NUP54: variants seen among roughly 807,000 people sequenced by gnomAD.
NUP54 encodes nucleoporin 54, also known as nucleoporin p54.
In NUP54, 27 loss-of-function variants were observed where a neutral mutation model predicts 66.4. The ratio of observed to expected loss-of-function variants is 0.41; its 90% CI spans 0.30 to 0.56. NUP54 has a LOEUF of 0.56. Among genes scored for constraint, NUP54 ranks in the 20% least tolerant of loss-of-function variants. The pLI, the probability that NUP54 is intolerant of heterozygous loss-of-function variation, is 0.34. For missense variants in NUP54, 486 were observed against 596.3 expected, an observed-to-expected ratio of 0.82 and a Z score of 1.93; for synonymous variants, 206 against 210.7, an observed-to-expected ratio of 0.98 and a Z score of 0.19.
At position 76,129,966 on chromosome 4, in the gene NUP54, G is replaced by GTTTTTTTTTTTTTTTTTTTTTTTTTTT. The variant is rs775109047; in HGVS notation, c.1056+663_1056+689dup. On this transcript the variant is annotated intron_variant, in intron 8 of 11. Coordinates refer to ENST00000264883, the MANE Select transcript of NUP54 (RefSeq NM_017426.4). ...AATCTTTAAGTATTTAATTATGAAA[G>GTTTTTTTTTTTTTTTTTTTTTTTTTTT]TTTTTTTTTTTTTTTTTTTTTTTTT... 5.3e-5 allele frequency among the ~76,000 whole-genome samples: 3 copies of GTTTTTTTTTTTTTTTTTTTTTTTTTTT among 56,824 alleles called. 1 individual carries two copies. The highest frequency in any genetic ancestry group is 9.0e-5 in the Non-Finnish European group (3 of 33,164). The allele number at this position is 56,824 out of a possible 152,430, so 37.3% of individuals were successfully genotyped here. A position where few individuals can be genotyped will look rare whatever the true frequency, so the allele number is the denominator to read the frequency against.
chr4:76,122,401 A>G (rs113980442), intron 9 of NUP54, among the ~76,000 whole-genome samples: 285 of 152,282 alleles, frequency 1.9e-3, no homozygotes, highest in Non-Finnish European at 3.4e-3. Flanking sequence ...CATCACCCCA[A>G]GCCCCTTGTA....
In NUP54 at chr4:76,130,658, C is replaced by T; in HGVS notation, c.1054G>A (p.Asp352Asn). Residue 352 changes from aspartate (D) to asparagine (N), a missense_variant and splice_region_variant, in exon 8 of 12, where the codon GAT (aspartate) becomes AAT (asparagine). Transcript: ENST00000264883. ...QMTKQHQTRL[D>N]IISEDISELQ... Reference sequence around the variant, plus strand: ...GGAATAAAAAGCTAAATGCTTACATCTAATCTGGTTTGATGCTGCTTAGTC... The same window carrying T: ...GGAATAAAAAGCTAAATGCTTACATTTAATCTGGTTTGATGCTGCTTAGTC... 1 of 1,609,528 alleles carries T rather than the reference C, an allele frequency of 6.2e-7. No individual in the cohort carries two copies. The highest frequency in any genetic ancestry group is 8.5e-7 in the Non-Finnish European group (1 of 1,176,026).
Position 76,148,338 on chromosome 4 carries a change from C to A in NUP54, c.37G>T (p.Gly13Cys). The change falls in exon 1 of 12, where the codon GGT (glycine) becomes TGT (cysteine). Residue 13 changes from glycine (G) to cysteine (C), a missense_variant. Physicochemically the swap from Gly to Cys is radical, Grantham distance 159 (BLOSUM62 -3). Coordinates refer to ENST00000264883, the MANE Select transcript of NUP54 (RefSeq NM_017426.4). ...GGGGCCGCGGTGGCTGCAGCGGTAC[C>A]GGAGGTGCCCGAGGGAGCCCCAAAA... ...FNFGAPSGTS[G>C]TAAATAAPAG... 6.5e-7 allele frequency: 1 copy of A among 1,545,660 alleles called. No homozygotes were observed. The highest frequency in any genetic ancestry group is 8.7e-7 in the Non-Finnish European group (1 of 1,146,058).
Position 76,131,230 on chromosome 4 carries a change from T to C in NUP54, c.962A>G (p.Lys321Arg). The change falls in exon 7 of 12, where the codon AAG becomes AGG. Residue 321 changes from lysine (K) to arginine (R), a missense_variant and splice_region_variant. By Grantham distance (26) the Lys-to-Arg change is conservative. Coordinates refer to ENST00000264883, the MANE Select transcript of NUP54 (RefSeq NM_017426.4). Reference sequence around the variant, plus strand: ...TGAAACAAGATGAAGACATACTTACTTTTCAGAATCAGGGTTATCTACCTT... The same window carrying C: ...TGAAACAAGATGAAGACATACTTACCTTTCAGAATCAGGGTTATCTACCTT... ...QAKVDNPDSE[K>R]LIPVPMVGFK... 6.3e-7 allele frequency: 1 copy of C among 1,580,612 alleles called. No homozygotes were observed. The highest frequency in any genetic ancestry group is 2.3e-5 in the East Asian group (1 of 44,122).
chr4:76,131,725 G>A (rs1730811519), intron 6 of NUP54, among the ~76,000 whole-genome samples: 1 of 151,942 alleles, frequency 6.6e-6, no homozygotes, highest in African/African-American at 2.4e-5. Context: ...TTTCCCTGGA[G>A]GGCAATTTGG....
At chr4:76,135,926 T>C (rs918006856) in intron 4 of NUP54, among the ~76,000 whole-genome samples, 7 of 152,220 alleles carry the variant, frequency 4.6e-5, no homozygotes, top group East Asian at 3.8e-4. Context: ...AGGCAAACCA[T>C]TCTCCTGTTT....
At position 76,144,196 on chromosome 4, in the gene NUP54, G is replaced by C; in HGVS notation, c.248C>G (p.Thr83Ser). 1 of 1,613,906 alleles carries C rather than the reference G, an allele frequency of 6.2e-7. No homozygotes were observed. Among genetic ancestry groups the C allele is most frequent in the Non-Finnish European group, 8.5e-7 (1 of 1,179,932 alleles). The change falls in exon 3 of 12, where the codon ACT becomes AGT. Residue 83 changes from threonine to serine, a missense_variant. Coordinates refer to ENST00000264883, the MANE Select transcript of NUP54 (RefSeq NM_017426.4). ...TSTGLGTGLG[T>S]GLGFGGFNTQ... Reference sequence around the variant, plus strand: ...ATTAAATCCTCCAAATCCCAGTCCAGTTCCCAAACCAGTACCTAAACCAGT... The same window carrying C: ...ATTAAATCCTCCAAATCCCAGTCCACTTCCCAAACCAGTACCTAAACCAGT...
At chr4:76,117,849 T>A in intron 10 of NUP54, 75 bp from the exon 11 acceptor site, 1 of 1,296,272 alleles carries the variant, frequency 7.7e-7, no homozygotes, top group Non-Finnish European at 1.1e-6. Context: ...TCTGAAAGGA[T>A]GGTTTCAAAA....
chr4:76,121,083 T>C (rs1312202972), intron 9 of NUP54, among the ~76,000 whole-genome samples: 1 of 152,230 alleles, frequency 6.6e-6, no homozygotes, highest in Non-Finnish European at 1.5e-5. Context: ...TCCCAGGCTG[T>C]ACATACAGCT....
rs1426584337 is a variant in NUP54 at position 76,148,132 on chromosome 4, G to A, written c.67+176C>T. 3.5e-5 allele frequency: 16 copies of A among 452,438 alleles called. No homozygotes were observed. The East Asian group carries it at 5.6e-4, about 16-fold the overall frequency. The allele number at this position is 452,438 out of a possible 1,614,324, so 28.0% of individuals were successfully genotyped here. On this transcript the variant is annotated intron_variant, in intron 1 of 11. Coordinates refer to ENST00000264883, the MANE Select transcript of NUP54 (RefSeq NM_017426.4). ...CTAGTGGGACCCCGAGTACCCCCGTGGCCTCCTCGGGTGCCGCCTCGGCCC... is the reference window on the plus strand; with the variant it reads ...CTAGTGGGACCCCGAGTACCCCCGTAGCCTCCTCGGGTGCCGCCTCGGCCC...
At chr4:76,135,654 C>T (rs996964971) in intron 4 of NUP54, among the ~76,000 whole-genome samples, 3 of 152,162 alleles carry the variant, frequency 2.0e-5, no homozygotes, top group African/African-American at 7.2e-5. Flanking sequence ...GATTGCAATA[C>T]GTAATTTGTT....
chr4:76,115,237 C>G lies in NUP54; in HGVS notation c.*129G>C. On this transcript the variant is annotated 3_prime_UTR_variant, in exon 12 of 12. Transcript: ENST00000264883. ...TGATGAACAGTAATTTGTCAGTAAA[C>G]TTCTCAAAAAACCAATCCAAGAAAG... The G allele has an allele frequency of 1.3e-6, 1 of 788,174 alleles. No homozygotes were observed. The highest frequency in any genetic ancestry group is 1.8e-6 in the Non-Finnish European group (1 of 547,154). 48.8% of individuals were successfully genotyped at this position (788,174 alleles called of 1,614,324 possible).
chr4:76,118,517 A>G, intron 9 of NUP54: 2 of 163,746 alleles, frequency 1.2e-5, no homozygotes, highest in Admixed American at 8.0e-5. Flanking sequence ...AGTAGCTGGG[A>G]CCACAGGTGT....
chr4:76,133,051 T>G (rs116590289), intron 5 of NUP54, among the ~76,000 whole-genome samples: 18,971 of 148,686 alleles, frequency 0.13, 1,466 homozygotes, highest in East Asian at 0.34. Context: ...ATATATGATA[T>G]ATATATATAT....
chr4:76,136,783 G>A (rs2109895577), intron 3 of NUP54, among the ~76,000 whole-genome samples: 1 of 152,268 alleles, frequency 6.6e-6, no homozygotes, highest in Admixed American at 6.5e-5. Flanking sequence ...CAAGAGAATG[G>A]ATTCTCCCTT....
In NUP54 at chr4:76,144,400, T is replaced by C. The variant is rs764638015; in HGVS notation, c.141A>G (p.Thr47=). 11 of 1,608,982 alleles carry C rather than the reference T, an allele frequency of 6.8e-6. No homozygotes were observed. The highest frequency in any genetic ancestry group is 6.7e-5 in the South Asian group (6 of 89,238). Residue 47 remains threonine (T), a synonymous_variant, in exon 2 of 12, where the codon ACA becomes ACG. Transcript: ENST00000264883. The part of the protein sequence containing the change: ...SAFSFSAPTN[T]GTTGLFGGTQ... ...AAGATGGCCTCTTACCAGTAGTGCCTGTGTTAGTTGGGGCAGAAAAGCTGA... is the reference window on the plus strand; with the variant it reads ...AAGATGGCCTCTTACCAGTAGTGCCCGTGTTAGTTGGGGCAGAAAAGCTGA...
chr4:76,137,570 A>G (rs1731091732), intron 3 of NUP54, among the ~76,000 whole-genome samples: 1 of 152,202 alleles, frequency 6.6e-6, no homozygotes, highest in Admixed American at 6.5e-5. Context: ...AAATATATAT[A>G]GTAATAACAA....
In NUP54 at chr4:76,146,347, A is replaced by G. The variant is rs143976032; in HGVS notation, c.68-1874T>C. On this transcript the variant is annotated intron_variant, in intron 1 of 11. Coordinates refer to ENST00000264883, the MANE Select transcript of NUP54 (RefSeq NM_017426.4). Reference sequence around the variant, plus strand: ...CTTTATTCAGAAACACAAATTTCAAAGTAAGATTTCTGTTTTACCCAGTGC... The same window carrying G: ...CTTTATTCAGAAACACAAATTTCAAGGTAAGATTTCTGTTTTACCCAGTGC... Among the ~76,000 whole-genome samples the G allele has an allele frequency of 1.9e-3, 291 of 152,348 alleles. 4 individuals are homozygous for G. The highest frequency in any genetic ancestry group is 6.5e-3 in the African/African-American group (272 of 41,596).
intron 8 of NUP54, among the ~76,000 whole-genome samples, chr4:76,129,022 TA>T (rs1405432211): frequency 1.9e-4 from 29 of 152,352 alleles, no homozygotes; most frequent in Non-Finnish European, 3.8e-4. Context: ...TCTATAGCAC[TA>T]TAGGTAACTA....
Sources: allele counts gnomAD v4.1 joint callset (sites outside exome capture counted in the v4.1 genomes callset), GRCh38; gene constraint gnomAD v4.1.1; transcripts MANE v1.5; gene names NCBI Gene and HGNC (gene_info 2026-07-23, HGNC 2026-07-21).